Variants in DPY19L1 observed in about 807,000 individuals in gnomAD.
DPY19L1 encodes protein C-mannosyl-transferase DPY19L1.
In DPY19L1, 35 loss-of-function variants were observed where a neutral mutation model predicts 96.9. That is an observed-to-expected ratio of 0.36 (90% CI 0.28 to 0.48). The LOEUF is 0.48. Among genes scored for constraint, DPY19L1 ranks in the 20% least tolerant of loss-of-function variants. The probability of loss-of-function intolerance (pLI) is 0.99; values close to 1 mark genes in which losing one functional copy is unlikely to be tolerated. For missense variants in DPY19L1, 521 were observed against 777.9 expected, an observed-to-expected ratio of 0.67 and a Z score of 3.93; for synonymous variants, 205 against 252.6, an observed-to-expected ratio of 0.81 and a Z score of 1.79.
chr7:35,021,360 C>T (rs1449962654), intron 1 of DPY19L1, among the ~76,000 whole-genome samples: 1 of 152,188 alleles, frequency 6.6e-6, no homozygotes, highest in African/African-American at 2.4e-5. Flanking sequence ...ATGGGAGGTG[C>T]AAGAGGCCTC....
chr7:34,937,857 T>TAA, intron 21 of DPY19L1, 137 bp downstream of exon 21: 23 of 794,282 alleles, frequency 2.9e-5, no homozygotes, highest in East Asian at 6.4e-5. Flanking sequence ...AGAGCCTGTT[T>TAA]AAAAAAAAAA....
intron 6 of DPY19L1, among the ~76,000 whole-genome samples, chr7:34,993,816 T>G (rs1785225345): frequency 6.6e-6 from 1 of 152,012 alleles, no homozygotes; most frequent in Non-Finnish European, 1.5e-5. Context: ...TCTCAGCACT[T>G]TGGAAGGCCA....
At chr7:34,952,130 A>AC (rs58631762) in intron 13 of DPY19L1, among the ~76,000 whole-genome samples, 28,363 of 97,676 alleles carry the variant, frequency 0.29, 3,129 homozygotes, top group Admixed American at 0.48. Context: ...AAAAGACCAC[A>AC]AAAAAAAAAC....
intron 14 of DPY19L1, among the ~76,000 whole-genome samples, chr7:34,948,440 T>C (rs2128783858): frequency 6.6e-6 from 1 of 152,284 alleles, no homozygotes; most frequent in African/African-American, 2.4e-5. Flanking sequence ...TGTACCATAA[T>C]TGGAACATAT....
chr7:34,976,283 A>G (rs981439916), intron 7 of DPY19L1, among the ~76,000 whole-genome samples: 10 of 152,234 alleles, frequency 6.6e-5, no homozygotes, highest in African/African-American at 2.2e-4. Flanking sequence ...GATGGGCTCA[A>G]GACTTCAGTG....
intron 13 of DPY19L1, among the ~76,000 whole-genome samples, chr7:34,952,496 T>G (rs1784288616): frequency 6.6e-6 from 1 of 152,118 alleles, no homozygotes; most frequent in Non-Finnish European, 1.5e-5. Flanking sequence ...TACATAAAAA[T>G]CTTTCTGAAA....
chr7:35,019,802 G>T (rs1785950443), intron 1 of DPY19L1, among the ~76,000 whole-genome samples: 1 of 151,916 alleles, frequency 6.6e-6, no homozygotes, highest in South Asian at 2.1e-4. Flanking sequence ...AAGATATATT[G>T]ATCTTTTGAA....
intron 7 of DPY19L1, among the ~76,000 whole-genome samples, chr7:34,980,291 C>A (rs1346322256): frequency 6.6e-6 from 1 of 152,092 alleles, no homozygotes; most frequent in African/African-American, 2.4e-5. Flanking sequence ...GTGAAAGCTA[C>A]ACCAAGGTTT....
At chr7:34,937,658 G>T (rs189806577) in intron 21 of DPY19L1, among the ~76,000 whole-genome samples, 125 of 152,086 alleles carry the variant, frequency 8.2e-4, no homozygotes, top group Non-Finnish European at 1.5e-3. Context: ...TTCAGGCCAG[G>T]CGTGGTGACT....
rs1784772918 is a variant in DPY19L1, at chr7:34,973,607, TG to T, written c.823-3del. On this transcript the variant is annotated splice_region_variant and splice_polypyrimidine_tract_variant and intron_variant, in intron 7 of 21. Transcript: ENST00000638088. ...TGGTGTCCACATTACACGGGTACAC[TG>T]AAAAAAAAAATTTGTAGTATAGTAT... is the stretch of plus-strand genomic sequence containing the variant. 4 of 1,432,588 alleles carry T rather than the reference TG, an allele frequency of 2.8e-6. No homozygotes were observed. Among genetic ancestry groups the T allele is most frequent in the Non-Finnish European group, 3.7e-6 (4 of 1,088,178 alleles). The allele number at this position is 1,432,588 out of a possible 1,614,324, so 88.7% of individuals were successfully genotyped here.
Position 34,997,326 on chromosome 7 carries a change from C to T in DPY19L1, c.765-7385G>A, listed in dbSNP as rs187947991. On this transcript the variant is annotated intron_variant, in intron 6 of 21. Transcript: ENST00000638088. ...AAAAAAAAAAGGCCAGGCACAGTGG[C>T]TCACGCCTGTAATCCCAGCACTTTG... 2.2e-3 allele frequency among the ~76,000 whole-genome samples: 332 copies of T among 150,574 alleles called. 2 individuals carry two copies. Among genetic ancestry groups the T allele is most frequent in the African/African-American group, 7.6e-3 (313 of 41,034 alleles).
At chr7:35,027,781 T>C (rs1786163559) in intron 1 of DPY19L1, among the ~76,000 whole-genome samples, 1 of 151,654 alleles carries the variant, frequency 6.6e-6, no homozygotes, top group Non-Finnish European at 1.5e-5. Context: ...GAGGTTGCAG[T>C]GAGCCAAAAT....
intron 1 of DPY19L1, among the ~76,000 whole-genome samples, chr7:35,023,382 C>T (rs1385895678): frequency 6.6e-6 from 1 of 152,156 alleles, no homozygotes; most frequent in African/African-American, 2.4e-5. Flanking sequence ...GGTGCGAGGG[C>T]GCCATGAGGC....
intron 1 of DPY19L1, among the ~76,000 whole-genome samples, chr7:35,033,024 A>G (rs1786298427): frequency 1.3e-5 from 2 of 152,134 alleles, no homozygotes; most frequent in South Asian, 2.1e-4. Context: ...CAGATTTCTC[A>G]AAGTAAAAAT....
intron 7 of DPY19L1, chr7:34,988,368 CA>C (rs1390159677): frequency 6.6e-6 from 1 of 151,896 alleles, no homozygotes; most frequent in Non-Finnish European, 1.5e-5. Flanking sequence ...ATCTGTGGCT[CA>C]AAGTGCTTCA....
At chr7:34,948,574 G>C (rs1488815258) in intron 14 of DPY19L1, among the ~76,000 whole-genome samples, 1 of 152,134 alleles carries the variant, frequency 6.6e-6, no homozygotes, top group Non-Finnish European at 1.5e-5. Flanking sequence ...CTGAAGTCAT[G>C]CTATGTCTCA....
chr7:34,994,933 C>T (rs1234046671), intron 6 of DPY19L1, among the ~76,000 whole-genome samples: 1 of 152,106 alleles, frequency 6.6e-6, no homozygotes, highest in African/African-American at 2.4e-5. Flanking sequence ...GAGGGCAGAG[C>T]CACGGTGACA....
intron 1 of DPY19L1, among the ~76,000 whole-genome samples, chr7:35,025,710 T>C (rs1001743142): frequency 6.6e-6 from 1 of 152,214 alleles, no homozygotes; most frequent in African/African-American, 2.4e-5. Context: ...ATATACACAG[T>C]ACATCAGGCT....
chr7:34,993,636 A>G (rs148444187), intron 6 of DPY19L1, among the ~76,000 whole-genome samples: 1,842 of 150,294 alleles, frequency 0.012, 20 homozygotes, highest in Non-Finnish European at 0.02. Context: ...AAATTGTCAG[A>G]CTTCTGATCA....
Sources: allele counts gnomAD v4.1 joint callset (sites outside exome capture counted in the v4.1 genomes callset), GRCh38; gene constraint gnomAD v4.1.1; transcripts MANE v1.5; gene names NCBI Gene and HGNC (gene_info 2026-07-23, HGNC 2026-07-21).